ADAMTSL1: variants seen among roughly 807,000 people sequenced by gnomAD.
ADAMTSL1 encodes the protein ADAMTS-like protein 1.
Under a neutral mutation model 201.8 loss-of-function variants are expected in ADAMTSL1, and 126 were observed. The ratio of observed to expected loss-of-function variants is 0.62; its 90% CI spans 0.54 to 0.72. The LOEUF is 0.72. ADAMTSL1 is among the 30% of genes least tolerant of loss of function. ADAMTSL1 has a pLI of 0.00. For synonymous variants in ADAMTSL1, 1,121 were observed against 903.4 expected (o/e 1.24, Z -4.32); for missense variants, 2,679 against 2,277.8 (o/e 1.18, Z -3.59).
rs955209993 is a variant in ADAMTSL1, at chr9:18,287,377, GTA to G, written c.207+123402_207+123403del. ...CATACATACATATACACACATACAT[GTA>G]TATATGTGTGTATATATGCACATAC... On this transcript the variant is annotated intron_variant, in intron 2 of 29. Transcript: ENST00000680146. Among the ~76,000 whole-genome samples the G allele has an allele frequency of 4.6e-5, 7 of 151,246 alleles. 1 individual carries two copies. The highest frequency in any genetic ancestry group is 1.5e-4 in the African/African-American group (6 of 41,164).
At chr9:18,505,323 T>G (rs1008787559) in intron 2 of ADAMTSL1, among the ~76,000 whole-genome samples, 17 of 152,222 alleles carry the variant, frequency 1.1e-4, no homozygotes, top group Non-Finnish European at 5.9e-5. Context: ...TAGTAGCATA[T>G]TGAGTTTATG....
intron 2 of ADAMTSL1, among the ~76,000 whole-genome samples, chr9:18,174,288 C>T (rs1322136932): frequency 6.6e-6 from 1 of 152,108 alleles, no homozygotes; most frequent in Non-Finnish European, 1.5e-5. Flanking sequence ...AATGCCTATC[C>T]TAAATAGACC....
At chr9:18,238,388 C>G (rs940679064) in intron 2 of ADAMTSL1, among the ~76,000 whole-genome samples, 12 of 152,056 alleles carry the variant, frequency 7.9e-5, no homozygotes, top group Non-Finnish European at 1.6e-4. Context: ...ATGCCAAGTT[C>G]GAATCACATC....
rs184412341 is a variant in ADAMTSL1, at chr9:18,121,382, T to C, written c.88-42480T>C. ...TATTAATGAATCTGTATTGGTCTTGTTGGCACTGAGATTGAAATACCCACC... is the reference window on the plus strand; with the variant it reads ...TATTAATGAATCTGTATTGGTCTTGCTGGCACTGAGATTGAAATACCCACC... On this transcript the variant is annotated intron_variant, in intron 1 of 29. Transcript: ENST00000680146. Among the ~76,000 whole-genome samples, 224 of 152,324 alleles carry C rather than the reference T, an allele frequency of 1.5e-3. 2 individuals carry two copies. Among genetic ancestry groups the C allele is most frequent in the Admixed American group, 0.013 (198 of 15,294 alleles).
At chr9:17,987,113 G>C (rs1421919785) in intron 1 of ADAMTSL1, among the ~76,000 whole-genome samples, 1 of 152,006 alleles carries the variant, frequency 6.6e-6, no homozygotes, top group Non-Finnish European at 1.5e-5. Context: ...ATGTCTCTCT[G>C]AGTTTTCGGA....
At chr9:18,567,247 TTGA>T in intron 3 of ADAMTSL1, among the ~76,000 whole-genome samples, 1 of 152,234 alleles carries the variant, frequency 6.6e-6, no homozygotes, top group Non-Finnish European at 1.5e-5. Flanking sequence ...GGTGGATCTC[TTGA>T]GGTCAGGAGT....
At chr9:18,584,869 G>A (rs770307704) in intron 4 of ADAMTSL1, among the ~76,000 whole-genome samples, 5 of 152,112 alleles carry the variant, frequency 3.3e-5, no homozygotes, top group East Asian at 1.9e-4. Context: ...CCGGCACCTG[G>A]ATCATGAATT....
chr9:18,126,893 G>C (rs1381128916), intron 1 of ADAMTSL1, among the ~76,000 whole-genome samples: 2 of 152,208 alleles, frequency 1.3e-5, no homozygotes, highest in South Asian at 2.1e-4. Context: ...GAAGATAGAG[G>C]GAGTTTCCTA....
At chr9:18,187,649 T>A (rs1448555653) in intron 2 of ADAMTSL1, among the ~76,000 whole-genome samples, 2 of 152,154 alleles carry the variant, frequency 1.3e-5, no homozygotes, top group Non-Finnish European at 2.9e-5. Flanking sequence ...GGCTTCTTTT[T>A]AATATATATT....
chr9:18,046,292 C>G (rs1323059417), intron 1 of ADAMTSL1, among the ~76,000 whole-genome samples: 2 of 152,114 alleles, frequency 1.3e-5, no homozygotes, highest in African/African-American at 4.8e-5. Context: ...ATTTCTTTAC[C>G]ACAGGCCTTT....
intron 13 of ADAMTSL1, among the ~76,000 whole-genome samples, chr9:18,702,672 A>G (rs1016777597): frequency 2.8e-4 from 43 of 152,190 alleles, no homozygotes; most frequent in Non-Finnish European, 5.1e-4. Flanking sequence ...CAGAATTCAT[A>G]TCAGTTACTT....
In ADAMTSL1 at chr9:18,706,948, A is replaced by G; in HGVS notation, c.1776A>G (p.Pro592=). ...GCGGGGAAATTCCTGAGTTCAACCC[A>G]GACGAGACAGATGGGCTCTTTGGTG... ...PCSGEIPEFN[P]DETDGLFGGL... The change falls in exon 14 of 29, where the codon CCA becomes CCG. Residue 592 remains proline (P), a synonymous_variant. Transcript: ENST00000380548. 2 of 1,614,002 alleles carry G rather than the reference A, an allele frequency of 1.2e-6. No homozygotes were observed. The highest frequency in any genetic ancestry group is 1.7e-6 in the Non-Finnish European group (2 of 1,179,898).
At position 18,680,793 on chromosome 9, in the gene ADAMTSL1, A is replaced by G. The variant is rs1830426614; in HGVS notation, c.1341+277A>G. ...AGCACGGGGAAGCAACTGCCTTTCA[A>G]GGGTAATTGAGGCTGAATGAATGAT... On this transcript the variant is annotated intron_variant, in intron 11 of 28. Coordinates refer to ENST00000380548, the MANE Select transcript of ADAMTSL1 (RefSeq NM_001040272.6). The G allele has an allele frequency of 7.0e-6, 3 of 430,662 alleles. No homozygotes were observed. In the East Asian group the frequency reaches 1.4e-4, roughly 20 times the overall value. The allele number at this position is 430,662 out of a possible 1,614,324, so 26.7% of individuals were successfully genotyped here. A position where few individuals can be genotyped will look rare whatever the true frequency, so the allele number is the denominator to read the frequency against.
intron 1 of ADAMTSL1, among the ~76,000 whole-genome samples, chr9:18,500,818 T>C (rs912512006): frequency 3.3e-5 from 5 of 152,220 alleles, no homozygotes; most frequent in African/African-American, 1.2e-4. Flanking sequence ...AGTGAAACAT[T>C]GCCTTACATA....
intron 2 of ADAMTSL1, among the ~76,000 whole-genome samples, chr9:18,531,869 C>G (rs1819466631): frequency 1.3e-5 from 2 of 152,184 alleles, no homozygotes; most frequent in Admixed American, 1.3e-4. Flanking sequence ...AGCCAGATGG[C>G]CTGGTTTCAA....
chr9:17,920,054 G>A (rs2131290298), intron 1 of ADAMTSL1, among the ~76,000 whole-genome samples: 1 of 152,112 alleles, frequency 6.6e-6, no homozygotes, highest in Admixed American at 6.5e-5. Context: ...ATTTTTGTTT[G>A]CATTTCTCTA....
intron 1 of ADAMTSL1, among the ~76,000 whole-genome samples, chr9:18,488,927 A>G (rs1368096237): frequency 6.6e-6 from 1 of 152,160 alleles, no homozygotes; most frequent in Non-Finnish European, 1.5e-5. Context: ...AGACAGAATA[A>G]AGATAAAAGT....
At chr9:18,146,145 C>T (rs180762856) in intron 1 of ADAMTSL1, among the ~76,000 whole-genome samples, 40 of 152,186 alleles carry the variant, frequency 2.6e-4, no homozygotes, top group African/African-American at 9.4e-4. Flanking sequence ...AAAAATACAC[C>T]AGGTTTGAAA....
chr9:18,610,088 A>C (rs1238513398), intron 4 of ADAMTSL1, among the ~76,000 whole-genome samples: 1 of 152,104 alleles, frequency 6.6e-6, no homozygotes, highest in African/African-American at 2.4e-5. Context: ...CAGGGAAGTG[A>C]ACATGTGGAT....
Sources: gnomAD v4.1 joint callset for allele counts (sites outside exome capture counted in the v4.1 genomes callset) on GRCh38, gnomAD v4.1.1 for gene constraint, MANE v1.5 for transcripts, NCBI Gene and HGNC (gene_info 2026-07-23, HGNC 2026-07-21) for gene names.